Variants in CAMK4 observed in about 807,000 individuals in gnomAD.
CAMK4 encodes calcium/calmodulin dependent protein kinase IV.
In CAMK4, 22 loss-of-function variants were observed where a neutral mutation model predicts 44.9. The ratio of observed to expected loss-of-function variants is 0.49; its 90% confidence interval spans 0.35 to 0.70. The LOEUF (loss-of-function observed/expected upper bound fraction) is 0.70. Ranked by LOEUF, CAMK4 falls within the 30% of genes least tolerant of loss-of-function variation. The pLI, the probability that CAMK4 is intolerant of heterozygous loss-of-function variation, is 0.01. For missense variants in CAMK4, 498 were observed against 586.8 expected, an observed-to-expected ratio of 0.85 and a Z score of 1.56; for synonymous variants, 218 against 215.4, an observed-to-expected ratio of 1.01 and a Z score of -0.11.
At chr5:111,476,481 G>A (rs190494817) in intron 8 of CAMK4, among the ~76,000 whole-genome samples, 1 of 152,024 alleles carries the variant, frequency 6.6e-6, no homozygotes, top group African/African-American at 2.4e-5. Flanking sequence ...GTTTCACCAT[G>A]CTGGCCAGCC....
chr5:111,375,519 CT>C (rs1751181845), intron 3 of CAMK4, among the ~76,000 whole-genome samples: 1 of 152,088 alleles, frequency 6.6e-6, no homozygotes, highest in South Asian at 2.1e-4. Flanking sequence ...AAGCCATCTA[CT>C]TCAAGAAAGC....
At chr5:111,417,002 T>A (rs1752838373) in intron 5 of CAMK4, among the ~76,000 whole-genome samples, 1 of 152,178 alleles carries the variant, frequency 6.6e-6, no homozygotes, top group Non-Finnish European at 1.5e-5. Context: ...AGTGTGTAAT[T>A]GGAACTATTT....
intron 1 of CAMK4, among the ~76,000 whole-genome samples, chr5:111,248,519 GA>G (rs111654091): frequency 1.4e-4 from 21 of 147,904 alleles, no homozygotes; most frequent in East Asian, 7.9e-4. Flanking sequence ...AACAAGTCAT[GA>G]AAAAAAAAAA....
At chr5:111,425,537 A>G (rs1039724956) in intron 5 of CAMK4, among the ~76,000 whole-genome samples, 5 of 152,240 alleles carry the variant, frequency 3.3e-5, no homozygotes, top group Non-Finnish European at 7.3e-5. Context: ...CTAAGAGCAC[A>G]TAGTTTGGCA....
chr5:111,340,321 A>C (rs1387235694), intron 1 of CAMK4, among the ~76,000 whole-genome samples: 1 of 151,244 alleles, frequency 6.6e-6, no homozygotes, highest in Non-Finnish European at 1.5e-5. Flanking sequence ...AACAGCTTTC[A>C]ACTTTTTACC....
At chr5:111,442,652 C>T (rs1226852962) in intron 5 of CAMK4, among the ~76,000 whole-genome samples, 2 of 149,254 alleles carry the variant, frequency 1.3e-5, no homozygotes, top group Non-Finnish European at 3.0e-5. Flanking sequence ...TTCTGTTAAG[C>T]CAGAAATTAA....
At chr5:111,330,849 A>C (rs550052200) in intron 1 of CAMK4, among the ~76,000 whole-genome samples, 138 of 151,842 alleles carry the variant, frequency 9.1e-4, no homozygotes, top group African/African-American at 3.3e-3. Flanking sequence ...TTTTGGCAAA[A>C]GTACTGAGGC....
chr5:111,421,138 A>G (rs1753016928), intron 5 of CAMK4, among the ~76,000 whole-genome samples: 1 of 152,228 alleles, frequency 6.6e-6, no homozygotes, highest in Non-Finnish European at 1.5e-5. Context: ...TGAAAACTTC[A>G]CAATCCACGT....
At chr5:111,234,171 AT>A (rs1748604276) in intron 1 of CAMK4, among the ~76,000 whole-genome samples, 1 of 152,188 alleles carries the variant, frequency 6.6e-6, no homozygotes, top group Non-Finnish European at 1.5e-5. Context: ...AAACTTCTTT[AT>A]ATTTAAATAA....
chr5:111,396,501 C>A (rs544514137), intron 5 of CAMK4, among the ~76,000 whole-genome samples: 1 of 152,136 alleles, frequency 6.6e-6, no homozygotes, highest in Admixed American at 6.6e-5. Flanking sequence ...TTACATAGAC[C>A]TTTCCAACTT....
chr5:111,396,130 A>T (rs1751997254), intron 5 of CAMK4, among the ~76,000 whole-genome samples: 1 of 152,152 alleles, frequency 6.6e-6, no homozygotes, highest in South Asian at 2.1e-4. Context: ...AAAGGGAAAA[A>T]ATAACCTTTG....
At chr5:111,226,168 A>G (rs908663737) in intron 1 of CAMK4, among the ~76,000 whole-genome samples, 1 of 152,062 alleles carries the variant, frequency 6.6e-6, no homozygotes, top group African/African-American at 2.4e-5. Context: ...AGTAACATTA[A>G]CCCTAGATGC....
rs200566906 is a variant in CAMK4, at chr5:111,460,265, C to CTTT, written c.625+11065_625+11067dup. Among the ~76,000 whole-genome samples the CTTT allele has an allele frequency of 2.5e-3, 306 of 122,670 alleles. 78 individuals are homozygous for CTTT. Among genetic ancestry groups the CTTT allele is most frequent in the Admixed American group, 2.1e-3 (25 of 11,712 alleles). The allele number at this position is 122,670 out of a possible 152,430, so 80.5% of individuals were successfully genotyped here. Reference sequence around the variant, plus strand: ...TAATGTTTTTCTTTTCTTTTCTTTTCTTTTTCTTTTTTTTTTTTTTGAGGC... The same window carrying CTTT: ...TAATGTTTTTCTTTTCTTTTCTTTTCTTTTTTTTCTTTTTTTTTTTTTTGAGGC... On this transcript the variant is annotated intron_variant, in intron 7 of 10. Coordinates refer to ENST00000282356, the MANE Select transcript of CAMK4 (RefSeq NM_001744.6).
intron 1 of CAMK4, among the ~76,000 whole-genome samples, chr5:111,272,945 T>A (rs1214925394): frequency 6.6e-6 from 1 of 152,182 alleles, no homozygotes; most frequent in African/African-American, 2.4e-5. Flanking sequence ...GCCTTCAACT[T>A]AATTATCAGT....
At chr5:111,480,428 G>A (rs1755396959) in intron 9 of CAMK4, among the ~76,000 whole-genome samples, 1 of 151,876 alleles carries the variant, frequency 6.6e-6, no homozygotes, top group African/African-American at 2.4e-5. Context: ...GCACTCCCCA[G>A]TTCATAACAG....
intron 1 of CAMK4, among the ~76,000 whole-genome samples, chr5:111,228,458 C>A (rs1748302143): frequency 6.7e-6 from 1 of 148,466 alleles, no homozygotes; most frequent in East Asian, 2.0e-4. Context: ...ATATAGGATC[C>A]CTTGCTATAT....
At chr5:111,329,100 C>T (rs1049479385) in intron 1 of CAMK4, among the ~76,000 whole-genome samples, 1 of 151,842 alleles carries the variant, frequency 6.6e-6, no homozygotes, top group African/African-American at 2.4e-5. Context: ...TGTAATCCAG[C>T]ATATAAACAG....
intron 1 of CAMK4, among the ~76,000 whole-genome samples, chr5:111,265,561 T>C (rs1223798564): frequency 1.3e-5 from 2 of 152,242 alleles, no homozygotes; most frequent in East Asian, 3.8e-4. Context: ...TTTCACTTTA[T>C]TAAGGCTTTA....
At chr5:111,400,286 G>T (rs1190996782) in intron 5 of CAMK4, among the ~76,000 whole-genome samples, 3 of 152,124 alleles carry the variant, frequency 2.0e-5, no homozygotes, top group East Asian at 3.9e-4. Flanking sequence ...AATTCCACAG[G>T]TAGAAAGCAA....
Sources: allele counts gnomAD v4.1 joint callset (sites outside exome capture counted in the v4.1 genomes callset), GRCh38; gene constraint gnomAD v4.1.1; transcripts MANE v1.5; gene names NCBI Gene and HGNC (gene_info 2026-07-23, HGNC 2026-07-21).